Variants in ARHGAP9 observed in about 807,000 individuals in gnomAD.
ARHGAP9 encodes the protein Rho GTPase activating protein 9.
ARHGAP9 carries 76 observed loss-of-function variants against 87.3 expected under a neutral mutation model. The ratio of observed to expected loss-of-function variants is 0.87; its 90% confidence interval spans 0.72 to 1.05. The LOEUF (loss-of-function observed/expected upper bound fraction) is 1.05, where lower values mean the gene tolerates loss of function less well. Among genes scored for constraint, ARHGAP9 ranks in the 50% least tolerant of loss-of-function variants. ARHGAP9 has a pLI of 0.00. For synonymous variants in ARHGAP9, 382 were observed against 394.9 expected (o/e 0.97, Z 0.39); for missense variants, 941 against 960.5 (o/e 0.98, Z 0.27).
At chr12:57,474,390 T>A in intron 15 of ARHGAP9, 33 bp downstream of exon 15, 3 of 1,612,962 alleles carry the variant, frequency 1.9e-6, no homozygotes, top group Non-Finnish European at 2.5e-6. Flanking sequence ...ATGTGGAAGT[T>A]TTAGGGATCT....
Position 57,473,690 on chromosome 12 carries a change from T to G in ARHGAP9, c.1937A>C (p.Gln646Pro), listed in dbSNP as rs201527112. 6.6e-5 allele frequency: 106 copies of G among 1,613,948 alleles called. No individual in the cohort carries two copies. The highest frequency in any genetic ancestry group is 8.9e-5 in the Non-Finnish European group (105 of 1,179,890). ...TAATTCTTGTATCTGAGAGAGGCAC[T>G]GCTCTGATTCGGAGAGTGCTAGAGA... ...RAALALSESE[Q>P]CLSQIQELIG... is the part of the protein sequence containing the mutation. Residue 646 changes from glutamine (Q) to proline (P), a missense_variant, in exon 17 of 18, where the codon CAG (glutamine) becomes CCG (proline). Physicochemically the swap from Gln to Pro is moderately conservative, Grantham distance 76 (BLOSUM62 -1). Coordinates refer to ENST00000393791, the MANE Select transcript of ARHGAP9 (RefSeq NM_032496.4).
intron 1 of ARHGAP9, among the ~76,000 whole-genome samples, chr12:57,486,745 C>T (rs1875441740): frequency 6.7e-6 from 1 of 149,034 alleles, no homozygotes; most frequent in African/African-American, 2.4e-5. Flanking sequence ...ATTAGCCGAG[C>T]GTGGTGGCGG....
chr12:57,483,291 A>T (rs1003428751), upstream of ARHGAP9, among the ~76,000 whole-genome samples: 1 of 152,160 alleles, frequency 6.6e-6, no homozygotes, highest in African/African-American at 2.4e-5. Flanking sequence ...GATTCAATTG[A>T]TTACTGAACA....
rs945245397 is a variant in ARHGAP9, at chr12:57,476,306, T to C, written c.1116+58A>G. 34 of 1,585,632 alleles carry C rather than the reference T, an allele frequency of 2.1e-5. No homozygotes were observed. In the Admixed American group the frequency reaches 4.4e-4, roughly 21 times the overall value. On this transcript the variant is annotated intron_variant, in intron 8 of 17. Transcript: ENST00000393791. Reference sequence around the variant, plus strand: ...CGCCCTCCCCGCTGCCGCCCCCACATTGGCGTGAGGCGGTAGGCAGCGCCC... The same window carrying C: ...CGCCCTCCCCGCTGCCGCCCCCACACTGGCGTGAGGCGGTAGGCAGCGCCC...
At position 57,477,102 on chromosome 12, in the gene ARHGAP9, G is replaced by C. The variant is rs763972591; in HGVS notation, c.870+54C>G. 1.9e-6 allele frequency: 3 copies of C among 1,587,614 alleles called. No individual in the cohort carries two copies. In the African/African-American group the frequency reaches 4.0e-5, roughly 21 times the overall value. ...GAGAATGTCTTACACAAAACAGAAA[G>C]TCATAACAAGCTGGCTTTTTCTGCA... On this transcript the variant is annotated intron_variant, in intron 5 of 17. Coordinates refer to ENST00000393791, the MANE Select transcript of ARHGAP9 (RefSeq NM_032496.4).
Position 57,474,066 on chromosome 12 carries a change from G to A in ARHGAP9, c.1894C>T (p.Leu632=), listed in dbSNP as rs754710366. 10 of 1,613,856 alleles carry A rather than the reference G, an allele frequency of 6.2e-6. 1 individual carries two copies. In the South Asian group the frequency reaches 1.1e-4, roughly 18 times the overall value. ...LPQPLVPPLL[L]PHFRAALALS... ...CCAAGGGCAGCACGGAAATGGGGCA[G>A]CAGCAGTGGTGGCACCAGAGGCTGG... Residue 632 remains leucine (L), a synonymous_variant, in exon 16 of 18, where the codon CTG becomes TTG. Coordinates refer to ENST00000393791, the MANE Select transcript of ARHGAP9 (RefSeq NM_032496.4).
chr12:57,477,686 A>C lies in ARHGAP9; in HGVS notation c.535-6T>G. On this transcript the variant is annotated splice_region_variant and splice_polypyrimidine_tract_variant and intron_variant, in intron 3 of 17. Coordinates refer to ENST00000393791, the MANE Select transcript of ARHGAP9 (RefSeq NM_032496.4). ...ATGAGGGGCTGGGGGCCTGCCTGCC[A>C]GAAAAGGGGGAAGAAGGAGGTGGTC... The C allele has an allele frequency of 6.2e-7, 1 of 1,610,652 alleles. No homozygotes were observed. Among genetic ancestry groups the C allele is most frequent in the Non-Finnish European group, 8.5e-7 (1 of 1,177,534 alleles).
At chr12:57,488,480 C>G in intron 1 of ARHGAP9, 1 of 1,311,206 alleles carries the variant, frequency 7.6e-7, no homozygotes. Flanking sequence ...CCTTCCCAAC[C>G]TTCTCCTACA....
chr12:57,475,211 G>T, intron 12 of ARHGAP9, 80 bp downstream of exon 12: 1 of 1,392,666 alleles, frequency 7.2e-7, no homozygotes, highest in Non-Finnish European at 9.8e-7. Context: ...GTCACAGAAG[G>T]TTGTGGTCTA....
chr12:57,485,199 G>A (rs1480677871), intron 1 of ARHGAP9, among the ~76,000 whole-genome samples: 2 of 151,568 alleles, frequency 1.3e-5, no homozygotes, highest in African/African-American at 2.4e-5. Flanking sequence ...TGTCCACCTC[G>A]GCCTCCCAAA....
chr12:57,484,598 G>GA (rs1875263173), upstream of ARHGAP9, among the ~76,000 whole-genome samples: 1 of 152,122 alleles, frequency 6.6e-6, no homozygotes, highest in African/African-American at 2.4e-5. Flanking sequence ...ATAACTTTAT[G>GA]CCTCAGTTCC....
At chr12:57,488,430 G>C (rs1207354473) in intron 1 of ARHGAP9, 2 of 834,486 alleles carry the variant, frequency 2.4e-6, no homozygotes, top group Admixed American at 2.5e-5. Context: ...CCCCTCTTCC[G>C]TCTTCCCGGT....
At chr12:57,488,553 T>C in intron 1 of ARHGAP9, 2 of 1,547,128 alleles carry the variant, frequency 1.3e-6, no homozygotes, top group Non-Finnish European at 1.7e-6. Context: ...CACCCTTTTG[T>C]GTTCTTAGGA....
At chr12:57,487,350 A>G (rs1224869086) in intron 1 of ARHGAP9, 2 of 152,114 alleles carry the variant, frequency 1.3e-5, no homozygotes, top group South Asian at 2.1e-4. Flanking sequence ...AATTCCGCAC[A>G]TGGTAACTCC....
chr12:57,475,447 C>A (rs762059282), intron 11 of ARHGAP9, 36 bp downstream of exon 11: 1 of 1,574,232 alleles, frequency 6.4e-7, no homozygotes, highest in Non-Finnish European at 8.6e-7. Flanking sequence ...AGCCTCGCTG[C>A]GCTCCCGGAC....
At chr12:57,486,438 T>C (rs1406602769) in intron 1 of ARHGAP9, among the ~76,000 whole-genome samples, 1 of 151,866 alleles carries the variant, frequency 6.6e-6, no homozygotes, top group Non-Finnish European at 1.5e-5. Flanking sequence ...CCCAGCTAAT[T>C]TTTGTATTTT....
At chr12:57,487,358 T>C (rs1875503218) in intron 1 of ARHGAP9, 1 of 152,138 alleles carries the variant, frequency 6.6e-6, no homozygotes, top group Non-Finnish European at 1.5e-5. Context: ...ACATGGTAAC[T>C]CCGAACTCTA....
Position 57,474,171 on chromosome 12 carries a change from G to C in ARHGAP9, c.1789C>G (p.Arg597Gly). Residue 597 changes from arginine to glycine, a missense_variant, in exon 16 of 18, where the codon CGG (arginine) becomes GGG (glycine). By Grantham distance (125) the Arg-to-Gly change is moderately radical (BLOSUM62 -2). Coordinates refer to ENST00000393791, the MANE Select transcript of ARHGAP9 (RefSeq NM_032496.4). ...VFPEQPGQEG[R>G]LDLDSTEWDD... ...CACTCAGTACTGTCCAAATCTAACC[G>C]ACCTTCTGGAGGGAGAAGGAGGTAT... 1.2e-6 allele frequency: 2 copies of C among 1,611,796 alleles called. No individual in the cohort carries two copies. Among genetic ancestry groups the C allele is most frequent in the Non-Finnish European group, 1.7e-6 (2 of 1,178,434 alleles).
upstream of ARHGAP9, chr12:57,483,951 G>C: frequency 2.3e-6 from 1 of 442,722 alleles, no homozygotes; most frequent in Non-Finnish European, 4.4e-6. Context: ...TGAGGCACAA[G>C]AATCACTTGA....
Sources: gnomAD v4.1 joint callset for allele counts (sites outside exome capture counted in the v4.1 genomes callset) on GRCh38, gnomAD v4.1.1 for gene constraint, MANE v1.5 for transcripts, NCBI Gene and HGNC (gene_info 2026-07-23, HGNC 2026-07-21) for gene names.